UNC5D: variants seen among roughly 807,000 people sequenced by gnomAD.
UNC5D encodes netrin receptor UNC5D.
In UNC5D, 39 loss-of-function variants were observed where a neutral mutation model predicts 105.4. The ratio of observed to expected loss-of-function variants is 0.37; its 90% CI spans 0.29 to 0.48. UNC5D has a LOEUF of 0.48. UNC5D is among the 20% of genes least tolerant of loss of function. UNC5D has a pLI of 0.98. For missense variants in UNC5D, 991 were observed against 1,202.4 expected (o/e 0.82, Z 2.60); for synonymous variants, 452 against 450.4 (o/e 1.00, Z -0.04).
intron 4 of UNC5D, among the ~76,000 whole-genome samples, chr8:35,646,378 T>C (rs1281311676): frequency 6.6e-6 from 1 of 152,116 alleles, no homozygotes; most frequent in Admixed American, 6.6e-5. Context: ...TTGAAGAACA[T>C]TGGAAGGCAG....
intron 8 of UNC5D, among the ~76,000 whole-genome samples, chr8:35,712,568 G>C (rs1383422995): frequency 6.6e-6 from 1 of 152,162 alleles, no homozygotes; most frequent in African/African-American, 2.4e-5. Flanking sequence ...AGTCTGAAAA[G>C]TAGGTATGCT....
At chr8:35,288,667 G>A (rs886567642) in intron 1 of UNC5D, among the ~76,000 whole-genome samples, 4 of 152,122 alleles carry the variant, frequency 2.6e-5, no homozygotes, top group African/African-American at 4.8e-5. Flanking sequence ...AAATTGTTGA[G>A]ATAGAAATTA....
chr8:35,466,236 G>A (rs1460366934), intron 1 of UNC5D, among the ~76,000 whole-genome samples: 2 of 152,122 alleles, frequency 1.3e-5, no homozygotes, highest in Non-Finnish European at 2.9e-5. Flanking sequence ...TAATAAAGAT[G>A]TCAAGGTCCA....
chr8:35,365,187 A>G (rs556581504), intron 1 of UNC5D, among the ~76,000 whole-genome samples: 16 of 152,230 alleles, frequency 1.1e-4, no homozygotes, highest in South Asian at 4.1e-4. Context: ...GCTCATTCTT[A>G]CCATTCCATT....
intron 1 of UNC5D, among the ~76,000 whole-genome samples, chr8:35,511,012 A>G (rs945897647): frequency 6.6e-6 from 1 of 152,150 alleles, no homozygotes; most frequent in Non-Finnish European, 1.5e-5. Flanking sequence ...TCAATTAATC[A>G]TTTTGTTGTT....
chr8:35,415,212 C>T (rs1489919026), intron 1 of UNC5D, among the ~76,000 whole-genome samples: 1 of 152,040 alleles, frequency 6.6e-6, no homozygotes, highest in Non-Finnish European at 1.5e-5. Flanking sequence ...TGTAATTGAT[C>T]AAGACATAAT....
intron 4 of UNC5D, among the ~76,000 whole-genome samples, chr8:35,675,925 T>A (rs1416571507): frequency 6.6e-6 from 1 of 151,748 alleles, no homozygotes; most frequent in Non-Finnish European, 1.5e-5. Flanking sequence ...ACTAGATGTC[T>A]TTAATAAAAG....
In UNC5D at chr8:35,649,530, G is replaced by A. The variant is rs28488471; in HGVS notation, c.571-34017G>A. Among the ~76,000 whole-genome samples, 955 of 152,250 alleles carry A rather than the reference G, an allele frequency of 6.3e-3. 8 individuals carry two copies. The highest frequency in any genetic ancestry group is 0.021 in the African/African-American group (853 of 41,550). On this transcript the variant is annotated intron_variant, in intron 4 of 16. Transcript: ENST00000404895. ...ACGATTAATTTGAATGATTGCCTGTGATTGGCCTGAACTTACTGGCTCCTT... is the reference window on the plus strand; with the variant it reads ...ACGATTAATTTGAATGATTGCCTGTAATTGGCCTGAACTTACTGGCTCCTT...
chr8:35,386,687 G>T (rs925045406), intron 1 of UNC5D, among the ~76,000 whole-genome samples: 4 of 152,130 alleles, frequency 2.6e-5, no homozygotes, highest in Non-Finnish European at 4.4e-5. Context: ...TGAAGAAATG[G>T]CATTGAAGAG....
At chr8:35,310,687 G>A (rs1463142137) in intron 1 of UNC5D, among the ~76,000 whole-genome samples, 1 of 152,012 alleles carries the variant, frequency 6.6e-6, no homozygotes, top group Non-Finnish European at 1.5e-5. Flanking sequence ...GTAAGGCAAA[G>A]CACATTCTAG....
intron 10 of UNC5D, chr8:35,726,941 A>T: frequency 5.1e-6 from 1 of 195,910 alleles, no homozygotes. Context: ...TAGATAATTT[A>T]GTGAAATGAC....
chr8:35,584,100 G>A (rs560618257), intron 3 of UNC5D, among the ~76,000 whole-genome samples: 3 of 152,204 alleles, frequency 2.0e-5, no homozygotes, highest in African/African-American at 7.2e-5. Flanking sequence ...AAGAATTTAA[G>A]TGATTATTGT....
At chr8:35,388,178 A>G (rs1028337341) in intron 1 of UNC5D, among the ~76,000 whole-genome samples, 12 of 152,080 alleles carry the variant, frequency 7.9e-5, no homozygotes, top group South Asian at 2.1e-4. Flanking sequence ...GTTCAAGACC[A>G]ATGTGGTAAA....
chr8:35,704,878 C>T (rs1373262663), intron 7 of UNC5D, among the ~76,000 whole-genome samples: 1 of 150,894 alleles, frequency 6.6e-6, no homozygotes, highest in African/African-American at 2.4e-5. Flanking sequence ...GGAGATAGGA[C>T]AGGAGACAAT....
chr8:35,584,205 G>C (rs1818637475), intron 3 of UNC5D, among the ~76,000 whole-genome samples: 1 of 152,136 alleles, frequency 6.6e-6, no homozygotes, highest in Non-Finnish European at 1.5e-5. Flanking sequence ...AAAAAAAGAA[G>C]CAGGTGGCAG....
intron 13 of UNC5D, among the ~76,000 whole-genome samples, chr8:35,751,190 G>T (rs1355921917): frequency 6.6e-6 from 1 of 152,138 alleles, no homozygotes; most frequent in Non-Finnish European, 1.5e-5. Context: ...ATTGCACTGA[G>T]TCAGTTCCTG....
At chr8:35,567,758 C>T (rs1817454340) in intron 2 of UNC5D, among the ~76,000 whole-genome samples, 1 of 152,106 alleles carries the variant, frequency 6.6e-6, no homozygotes, top group Non-Finnish European at 1.5e-5. Flanking sequence ...TTGTGGAGGC[C>T]TCTTTGGCTT....
chr8:35,673,879 C>A (rs1019198474), intron 4 of UNC5D, among the ~76,000 whole-genome samples: 1 of 152,134 alleles, frequency 6.6e-6, no homozygotes, highest in African/African-American at 2.4e-5. Flanking sequence ...GGATATATCG[C>A]CACAGCAGGA....
chr8:35,392,039 C>T (rs1300248191), intron 1 of UNC5D, among the ~76,000 whole-genome samples: 4 of 152,150 alleles, frequency 2.6e-5, no homozygotes, highest in Non-Finnish European at 5.9e-5. Context: ...CTTAATAACA[C>T]AGATTTCTTT....
Sources: allele counts gnomAD v4.1 joint callset (sites outside exome capture counted in the v4.1 genomes callset), GRCh38; gene constraint gnomAD v4.1.1; transcripts MANE v1.5; gene names NCBI Gene and HGNC (gene_info 2026-07-23, HGNC 2026-07-21).